The following ZMIZ1 variants were observed in gnomAD, a reference collection of about 807,000 sequenced individuals.
ZMIZ1 encodes zinc finger MIZ-type containing 1, also known as zinc finger MIZ domain-containing protein 1.
ZMIZ1 carries 17 observed loss-of-function variants against 113.9 expected under a neutral mutation model. The observed-to-expected ratio is 0.15, with a 90% CI of 0.10 to 0.22. ZMIZ1 has a LOEUF of 0.22. ZMIZ1 is among the 10% of genes least tolerant of loss of function. The pLI is 1.00. For missense variants in ZMIZ1, 1,059 were observed against 1,477.8 expected (o/e 0.72, Z 4.65); for synonymous variants, 607 against 603.1 (o/e 1.01, Z -0.09).
intron 7 of ZMIZ1, among the ~76,000 whole-genome samples, chr10:79,218,768 C>G (rs1304240778): frequency 6.6e-6 from 1 of 152,106 alleles, no homozygotes; most frequent in African/African-American, 2.4e-5. Flanking sequence ...AGAGAAAGAG[C>G]GTCTTTGCAG....
chr10:79,225,293 G>A (rs1412946857), intron 7 of ZMIZ1, among the ~76,000 whole-genome samples: 1 of 152,104 alleles, frequency 6.6e-6, no homozygotes, highest in African/African-American at 2.4e-5. Context: ...ATTTTATATT[G>A]CTTCCTTAAA....
Position 79,069,588 on chromosome 10 carries a change from C to G in ZMIZ1, c.-337+318C>G, listed in dbSNP as rs1842179776. 6.6e-6 allele frequency among the ~76,000 whole-genome samples: 1 copy of G among 151,310 alleles called. No homozygotes were observed. Among genetic ancestry groups the G allele is most frequent in the Admixed American group, 6.6e-5 (1 of 15,232 alleles). On this transcript the variant is annotated intron_variant, in intron 1 of 24. Coordinates refer to ENST00000334512, the MANE Select transcript of ZMIZ1 (RefSeq NM_020338.4). This position sits in a 1 kb window ranked among gnomAD's most constrained non-coding sequence, Gnocchi z 4.6. The stretch of plus-strand genomic sequence containing the variant: ...CCGGTGCCCGCCTCCTGCCGGCGCG[C>G]CTCCAGCCCTCGCTCCCTACACCCG...
chr10:79,311,508 G>A (rs1855163484), intron 24 of ZMIZ1, among the ~76,000 whole-genome samples: 1 of 152,184 alleles, frequency 6.6e-6, no homozygotes, highest in African/African-American at 2.4e-5. Flanking sequence ...CCGATGGTGA[G>A]CTTGCGGTTT....
At chr10:79,191,227 G>C (rs575801711) in intron 4 of ZMIZ1, among the ~76,000 whole-genome samples, 1 of 152,262 alleles carries the variant, frequency 6.6e-6, no homozygotes, top group East Asian at 1.9e-4. Context: ...CCTATTTGGA[G>C]CTCCTGCAGA....
chr10:79,291,146 A>G lies in ZMIZ1; in HGVS notation c.728A>G (p.Asn243Ser). 1.2e-6 allele frequency: 2 copies of G among 1,612,146 alleles called. No individual in the cohort carries two copies. Among genetic ancestry groups the G allele is most frequent in the Non-Finnish European group, 1.7e-6 (2 of 1,178,562 alleles). Residue 243 changes from asparagine to serine, a missense_variant, in exon 10 of 25, where the codon AAC (asparagine) becomes AGC (serine). Asn to Ser is a conservative substitution (Grantham distance 46). This residue lies in a region of ZMIZ1 where 272 missense variants were observed against 350.4 expected (regional missense o/e 0.78). Transcript: ENST00000334512. Reference sequence around the variant, plus strand: ...CAGCAGAGCATGTATGGCCGGCCCAACTACCCCGGCAGCGGGGGCTTTGGG... The same window carrying G: ...CAGCAGAGCATGTATGGCCGGCCCAGCTACCCCGGCAGCGGGGGCTTTGGG... Reference protein sequence around the residue: ...YIQQSMYGRPNYPGSGGFGAS... With the variant: ...YIQQSMYGRPSYPGSGGFGAS...
At chr10:79,240,044 C>T (rs1441161606) in intron 7 of ZMIZ1, among the ~76,000 whole-genome samples, 1 of 152,212 alleles carries the variant, frequency 6.6e-6, no homozygotes, top group Admixed American at 6.5e-5. Flanking sequence ...ATCGGCGGCT[C>T]CTCCTCGCCA....
intron 7 of ZMIZ1, among the ~76,000 whole-genome samples, chr10:79,239,444 T>A (rs927817793): frequency 2.0e-5 from 3 of 152,186 alleles, no homozygotes; most frequent in Non-Finnish European, 4.4e-5. Flanking sequence ...GGCTGGGGCC[T>A]CCTTGTCCAC....
intron 8 of ZMIZ1, among the ~76,000 whole-genome samples, chr10:79,279,192 T>TG (rs1300664159): frequency 1.2e-4 from 18 of 150,580 alleles, no homozygotes; most frequent in Non-Finnish European, 2.2e-4. Flanking sequence ...GGGGAGGGGC[T>TG]CCTCACTTCC....
At chr10:79,284,664 A>G (rs751734704) in intron 8 of ZMIZ1, among the ~76,000 whole-genome samples, 15 of 152,164 alleles carry the variant, frequency 9.9e-5, no homozygotes, top group Non-Finnish European at 1.8e-4. Context: ...TGTTAGTCCC[A>G]CTTTACAGAT....
chr10:79,244,077 A>G (rs569795747), intron 7 of ZMIZ1, among the ~76,000 whole-genome samples: 1 of 152,368 alleles, frequency 6.6e-6, no homozygotes, highest in African/African-American at 2.4e-5. Flanking sequence ...CGCTGCAAAA[A>G]TAAGAATCGG....
intron 12 of ZMIZ1, chr10:79,293,899 A>C: frequency 1.6e-6 from 1 of 613,720 alleles, no homozygotes; most frequent in Non-Finnish European, 2.9e-6. Flanking sequence ...GGTGTCCGTG[A>C]AGTGCTTGGC....
rs2132049776 is a variant in ZMIZ1 at position 79,296,634 on chromosome 10, A to T, written c.1394A>T (p.Asn465Ile). 1 of 1,577,992 alleles carries T rather than the reference A, an allele frequency of 6.3e-7. No individual in the cohort carries two copies. The highest frequency in any genetic ancestry group is 1.2e-5 in the South Asian group (1 of 85,566). ...SSGQYPPPTV[N>I]MGQYYKPEQF... is the part of the protein sequence containing the mutation. ...GGGCAGTACCCGCCCCCCACGGTCA[A>T]CATGGGGCAGTATTACAAGGTGAGT... The change falls in exon 13 of 25, where the codon AAC becomes ATC. Residue 465 changes from asparagine to isoleucine, a missense_variant. By Grantham distance (149) the Asn-to-Ile change is moderately radical. Coordinates refer to ENST00000334512, the MANE Select transcript of ZMIZ1 (RefSeq NM_020338.4). This position sits in a 1 kb window ranked among gnomAD's most constrained non-coding sequence, Gnocchi z 4.1.
At chr10:79,297,531 T>G in intron 13 of ZMIZ1, 82 bp from the exon 14 acceptor site, 6 of 1,222,132 alleles carry the variant, frequency 4.9e-6, no homozygotes, top group Non-Finnish European at 7.3e-6. Context: ...GTGCTCCTGG[T>G]AGATTTTACT....
Position 79,313,585 on chromosome 10 carries a change from C to G in ZMIZ1, c.*836C>G. The G allele has an allele frequency of 4.8e-6, 1 of 208,518 alleles. No individual in the cohort carries two copies. Among genetic ancestry groups the G allele is most frequent in the Admixed American group, 5.4e-5 (1 of 18,462 alleles). The allele number at this position is 208,518 out of a possible 1,614,324, so 12.9% of individuals were successfully genotyped here. A position where few individuals can be genotyped will look rare whatever the true frequency, so the allele number is the denominator to read the frequency against. On this transcript the variant is annotated 3_prime_UTR_variant, in exon 25 of 25. Coordinates refer to ENST00000334512, the MANE Select transcript of ZMIZ1 (RefSeq NM_020338.4). Reference sequence around the variant, plus strand: ...TACACCCAACCAAAGTGATTGTGCCCTTGGTTGGGGGGCGCGGGCATATAA... The same window carrying G: ...TACACCCAACCAAAGTGATTGTGCCGTTGGTTGGGGGGCGCGGGCATATAA...
chr10:79,300,704 G>C (rs761503286), intron 16 of ZMIZ1, 28 bp from the exon 17 acceptor site: 5 of 1,607,770 alleles, frequency 3.1e-6, no homozygotes. Flanking sequence ...TGGCAGAGCT[G>C]CCCTGAGCAC....
rs538828861 is a variant in ZMIZ1, at chr10:79,261,073, C to T, written c.281-16108C>T. Among the ~76,000 whole-genome samples, 91 of 152,292 alleles carry T rather than the reference C, an allele frequency of 6.0e-4. 1 individual carries two copies. Among genetic ancestry groups the T allele is most frequent in the South Asian group, 3.7e-3 (18 of 4,828 alleles). On this transcript the variant is annotated intron_variant, in intron 7 of 24. Transcript: ENST00000334512. The stretch of plus-strand genomic sequence containing the variant: ...CCTGTCTTCAGATTCTCCAGGGGTT[C>T]GAGACCCCAGAAAGGCCCAGACTCT...
intron 4 of ZMIZ1, among the ~76,000 whole-genome samples, chr10:79,195,062 C>A (rs966045157): frequency 1.3e-5 from 2 of 152,170 alleles, no homozygotes; most frequent in African/African-American, 4.8e-5. Flanking sequence ...AAGAACAGCT[C>A]CCGGGGCTGC....
At chr10:79,250,488 C>T (rs1466346591) in intron 7 of ZMIZ1, among the ~76,000 whole-genome samples, 1 of 152,254 alleles carries the variant, frequency 6.6e-6, no homozygotes, top group Admixed American at 6.5e-5. Context: ...CAGGGAGGTC[C>T]TAGCATGTGT....
At chr10:79,099,257 G>A (rs994408718) in intron 1 of ZMIZ1, among the ~76,000 whole-genome samples, 1 of 152,042 alleles carries the variant, frequency 6.6e-6, no homozygotes, top group East Asian at 1.9e-4. Context: ...CCCGGGAGTC[G>A]GTGTGCTGGT....
Sources: allele counts gnomAD v4.1 joint callset (sites outside exome capture counted in the v4.1 genomes callset), GRCh38; gene constraint gnomAD v4.1.1; regional missense constraint gnomAD v4.1.1; non-coding constraint Gnocchi (gnomAD v3.1); transcripts MANE v1.5; gene names NCBI Gene and HGNC (gene_info 2026-07-23, HGNC 2026-07-21).